Variants in ANO3 observed in about 807,000 individuals in gnomAD.
ANO3 encodes anoctamin-3.
A neutral mutation model predicts 144.8 loss-of-function variants in ANO3; 99 were observed. The ratio of observed to expected loss-of-function variants is 0.68; its 90% CI spans 0.58 to 0.81. ANO3 has a LOEUF of 0.81. Among genes scored for constraint, ANO3 ranks in the 30% least tolerant of loss-of-function variants. The probability of loss-of-function intolerance (pLI) is 0.00; values close to 1 mark genes in which losing one functional copy is unlikely to be tolerated. For missense variants in ANO3, 905 were observed against 1,202.2 expected (o/e 0.75, Z 3.66); for synonymous variants, 414 against 392.6 (o/e 1.05, Z -0.64).
chr11:26,228,886 A>C (rs1852321254), intron 1 of ANO3, among the ~76,000 whole-genome samples: 2 of 152,316 alleles, frequency 1.3e-5, no homozygotes, highest in South Asian at 4.1e-4. Context: ...AAAACAATAG[A>C]TAAATTGTCA....
intron 1 of ANO3, among the ~76,000 whole-genome samples, chr11:26,201,938 A>G (rs1851701673): frequency 6.6e-6 from 1 of 151,446 alleles, no homozygotes; most frequent in African/African-American, 2.4e-5. Flanking sequence ...GTAAAAACCT[A>G]TTACAGTTGT....
At chr11:26,457,806 T>C (rs780480997) in intron 3 of ANO3, among the ~76,000 whole-genome samples, 2 of 152,060 alleles carry the variant, frequency 1.3e-5, no homozygotes, top group Non-Finnish European at 2.9e-5. Context: ...CTTCCTATTA[T>C]TCTGCTACTA....
chr11:26,271,526 G>T (rs1294164450), intron 1 of ANO3, among the ~76,000 whole-genome samples: 3 of 152,072 alleles, frequency 2.0e-5, no homozygotes, highest in African/African-American at 7.2e-5. Context: ...TAACTGTGAT[G>T]CTTTAGTATT....
chr11:26,499,834 C>G (rs1861119940), intron 4 of ANO3, among the ~76,000 whole-genome samples: 1 of 151,770 alleles, frequency 6.6e-6, no homozygotes, highest in Non-Finnish European at 1.5e-5. Context: ...CAATTAATCA[C>G]CCATTTAAAG....
intron 24 of ANO3, among the ~76,000 whole-genome samples, chr11:26,652,019 A>G (rs1003840733): frequency 1.3e-5 from 2 of 152,086 alleles, no homozygotes; most frequent in African/African-American, 4.8e-5. Flanking sequence ...CAGTTGCCCA[A>G]TCACCGTAAC....
At chr11:26,412,668 G>A (rs1289943778) in intron 1 of ANO3, among the ~76,000 whole-genome samples, 1 of 151,960 alleles carries the variant, frequency 6.6e-6, no homozygotes, top group Non-Finnish European at 1.5e-5. Context: ...AAGAGGCGGA[G>A]TACAGTGGTA....
At chr11:26,629,558 C>A (rs1348085829) in intron 18 of ANO3, among the ~76,000 whole-genome samples, 2 of 152,120 alleles carry the variant, frequency 1.3e-5, no homozygotes, top group African/African-American at 2.4e-5. Context: ...ATATTTTAGA[C>A]AACGTGATAG....
At chr11:26,533,428 A>G (rs140228492) in intron 8 of ANO3, among the ~76,000 whole-genome samples, 247 of 152,338 alleles carry the variant, frequency 1.6e-3, no homozygotes, top group Non-Finnish European at 3.0e-3. Flanking sequence ...ACAAATTGAC[A>G]GATGATTGGA....
intron 4 of ANO3, among the ~76,000 whole-genome samples, chr11:26,482,426 A>G (rs200135798): frequency 5.5e-4 from 78 of 141,116 alleles, no homozygotes; most frequent in Middle Eastern, 3.5e-3. Context: ...ACACAGATAT[A>G]TGTGTGTGTG....
upstream of ANO3, chr11:26,331,995 C>A: frequency 1.2e-6 from 1 of 814,620 alleles, no homozygotes. Flanking sequence ...CAACCCCGCT[C>A]AACGCCCACC....
chr11:26,350,330 T>C (rs1855613549), intron 1 of ANO3, among the ~76,000 whole-genome samples: 3 of 152,136 alleles, frequency 2.0e-5, no homozygotes, highest in African/African-American at 4.8e-5. Flanking sequence ...TTAGAGACTC[T>C]AGCTATTCAC....
chr11:26,399,158 C>T (rs575599231), intron 1 of ANO3, among the ~76,000 whole-genome samples: 5 of 151,804 alleles, frequency 3.3e-5, no homozygotes, highest in South Asian at 2.1e-4. Context: ...ACCTTTTTTT[C>T]GCTGTCTCAT....
chr11:26,295,500 A>T (rs1005595127), intron 1 of ANO3, among the ~76,000 whole-genome samples: 5 of 136,144 alleles, frequency 3.7e-5, no homozygotes, highest in African/African-American at 1.4e-4. Flanking sequence ...TGGGCGATAG[A>T]GTGAGACTCT....
rs1853920360 is a variant in ANO3 at position 26,662,922 on chromosome 11, A to G, written c.*2478A>G. On this transcript the variant is annotated 3_prime_UTR_variant, in exon 27 of 27. Coordinates refer to ENST00000256737, the MANE Select transcript of ANO3 (RefSeq NM_031418.4). ...AATACAAATTATTTCTCAAAGATTTATAGCACACACTATTCTCAGGAATTC... is the reference window on the plus strand; with the variant it reads ...AATACAAATTATTTCTCAAAGATTTGTAGCACACACTATTCTCAGGAATTC... 6.6e-6 allele frequency: 1 copy of G among 152,492 alleles called. No homozygotes were observed. 9.4% of individuals were successfully genotyped at this position (152,492 alleles called of 1,614,324 possible).
At chr11:26,527,175 A>T (rs190671927) in intron 7 of ANO3, among the ~76,000 whole-genome samples, 2 of 152,244 alleles carry the variant, frequency 1.3e-5, no homozygotes, top group East Asian at 3.9e-4. Context: ...AAATGCGTAT[A>T]CTAAATCCTA....
rs1449332390 is a variant in ANO3 at position 26,295,517 on chromosome 11, A to G, written c.155-14128A>G. On this transcript the variant is annotated intron_variant, in intron 1 of 27. Transcript: ENST00000672621. ...GGCGATAGAGTGAGACTCTGTCTCA[A>G]AAAAAAAAAAAAAAAAAAAAAAATT... Among the ~76,000 whole-genome samples the G allele has an allele frequency of 1.5e-4, 14 of 90,772 alleles. No individual in the cohort carries two copies. In the East Asian group the frequency reaches 3.0e-3, roughly 20 times the overall value. The allele number at this position is 90,772 out of a possible 152,430, so 59.5% of individuals were successfully genotyped here.
intron 7 of ANO3, among the ~76,000 whole-genome samples, chr11:26,529,937 G>A (rs955270299): frequency 6.6e-6 from 1 of 152,132 alleles, no homozygotes; most frequent in Non-Finnish European, 1.5e-5. Flanking sequence ...GTATATGCCA[G>A]GTGTCTATGC....
intron 1 of ANO3, among the ~76,000 whole-genome samples, chr11:26,224,882 G>A (rs1852226296): frequency 6.6e-6 from 1 of 152,170 alleles, no homozygotes. Context: ...AGCTTAGTTA[G>A]CCAAGGCCAT....
chr11:26,570,604 T>C (rs569801808), intron 14 of ANO3, among the ~76,000 whole-genome samples: 3 of 152,210 alleles, frequency 2.0e-5, no homozygotes, highest in Non-Finnish European at 2.9e-5. Flanking sequence ...TATAAAAACA[T>C]GTTTCTATAG....
Sources: allele counts gnomAD v4.1 joint callset (sites outside exome capture counted in the v4.1 genomes callset), GRCh38; gene constraint gnomAD v4.1.1; transcripts MANE v1.5; gene names NCBI Gene and HGNC (gene_info 2026-07-23, HGNC 2026-07-21).